The following ANKRD24 variants were observed in gnomAD, a reference collection of about 807,000 sequenced individuals.
ANKRD24 encodes ankyrin repeat domain 24, also known as ankyrin repeat domain-containing protein 24.
A neutral mutation model predicts 127.8 loss-of-function variants in ANKRD24; 109 were observed. The observed-to-expected ratio is 0.85, with a 90% CI of 0.73 to 1.00. The LOEUF is 1.00. ANKRD24 is among the 50% of genes least tolerant of loss of function. The pLI is 0.00. For missense variants in ANKRD24, 1,648 were observed against 1,570.2 expected (o/e 1.05, Z -0.84); for synonymous variants, 743 against 671.1 (o/e 1.11, Z -1.66).
chr19:4,212,156 C>T (rs1969776849), intron 13 of ANKRD24, among the ~76,000 whole-genome samples: 1 of 152,186 alleles, frequency 6.6e-6, no homozygotes, highest in Non-Finnish European at 1.5e-5. Context: ...GCCGAGATCA[C>T]ACCACTGCAC....
At chr19:4,219,534 G>A in intron 18 of ANKRD24, 57 bp from the exon 19 acceptor site, 1 of 1,536,226 alleles carries the variant, frequency 6.5e-7, no homozygotes, top group Admixed American at 2.0e-5. Flanking sequence ...GAATTCTGGG[G>A]TCTAGCATCA....
At chr19:4,216,089 TCCC>T in intron 16 of ANKRD24, 39 bp downstream of exon 16, 1 of 1,552,078 alleles carries the variant, frequency 6.4e-7, no homozygotes. Flanking sequence ...AGCCGCCTTG[TCCC>T]CTGGGGCCCT....
chr19:4,200,252 C>T, intron 5 of ANKRD24, 81 bp downstream of exon 5: 1 of 1,410,064 alleles, frequency 7.1e-7, no homozygotes, highest in Middle Eastern at 2.4e-4. Context: ...ACCCTGCTCC[C>T]AGGTCTCAAT....
intron 15 of ANKRD24, among the ~76,000 whole-genome samples, chr19:4,213,396 T>TCTTTCTTC (rs1319104177): frequency 5.6e-5 from 7 of 125,878 alleles, no homozygotes; most frequent in Non-Finnish European, 1.3e-4. Flanking sequence ...TTCCCTTCCT[T>TCTTTCTTC]CTTTCTTCCT....
intron 1 of ANKRD24, among the ~76,000 whole-genome samples, chr19:4,184,067 A>G (rs1025760119): frequency 6.6e-6 from 1 of 152,232 alleles, no homozygotes; most frequent in Non-Finnish European, 1.5e-5. Context: ...AAATCAGTCC[A>G]GTGATGATAG....
chr19:4,214,496 A>G (rs1455727598), intron 15 of ANKRD24, among the ~76,000 whole-genome samples: 1 of 152,144 alleles, frequency 6.6e-6, no homozygotes, highest in African/African-American at 2.4e-5. Context: ...ATAGAAAACC[A>G]TACACACAAA....
rs142674065 is a variant in ANKRD24 at position 4,217,922 on chromosome 19, G to A, written c.2762G>A (p.Arg921Gln). The A allele has an allele frequency of 0.026, 38,864 of 1,493,104 alleles. 674 individuals carry two copies. Among genetic ancestry groups the A allele is most frequent in the Middle Eastern group, 0.057 (245 of 4,302 alleles). 92.5% of individuals were successfully genotyped at this position (1,493,104 alleles called of 1,614,324 possible). A position where few individuals can be genotyped will look rare whatever the true frequency, so the allele number is the denominator to read the frequency against. ...GTGGTGCCGGCCTCTGAGCACCGCC[G>A]GCTGCAGGAGGAGGCCCTGGAGCTG... ...QSVVPASEHR[R>Q]LQEEALELRG... The change falls in exon 18 of 22, where the codon CGG becomes CAG. Residue 921 changes from arginine to glutamine, a missense_variant. Coordinates refer to ENST00000318934, the MANE Select transcript of ANKRD24 (RefSeq NM_001393985.1).
At chr19:4,215,910 G>C in intron 15 of ANKRD24, 68 bp from the exon 16 acceptor site, 1 of 1,265,926 alleles carries the variant, frequency 7.9e-7, no homozygotes, top group Non-Finnish European at 1.1e-6. Flanking sequence ...GTCCCCACTG[G>C]AGTCTTGGTG....
At chr19:4,200,206 A>C in intron 5 of ANKRD24, 35 bp downstream of exon 5, 1 of 1,559,672 alleles carries the variant, frequency 6.4e-7, no homozygotes, top group African/African-American at 1.4e-5. Context: ...GGGAGGAGGA[A>C]CTAAGCCCAG....
At chr19:4,207,455 G>C (rs765903350) in intron 8 of ANKRD24, 46 bp from the exon 9 acceptor site, 1 of 1,592,162 alleles carries the variant, frequency 6.3e-7, no homozygotes, top group Non-Finnish European at 8.6e-7. Flanking sequence ...TGCACCTCCC[G>C]GGGGTCAGTT....
Position 4,198,185 on chromosome 19 carries a change from C to A in ANKRD24, c.37-1498C>A. On this transcript the variant is annotated intron_variant, in intron 2 of 21. Coordinates refer to ENST00000318934, the MANE Select transcript of ANKRD24 (RefSeq NM_001393985.1). This position sits in a 1 kb window ranked among gnomAD's most constrained non-coding sequence, Gnocchi z 6.1. Reference sequence around the variant, plus strand: ...TGGTGAGGGAGCCGGGCCCCCGGCGCCGCGTCCTCCTCATCCTCCAGGCGA... The same window carrying A: ...TGGTGAGGGAGCCGGGCCCCCGGCGACGCGTCCTCCTCATCCTCCAGGCGA... 3.5e-6 allele frequency: 2 copies of A among 572,288 alleles called. No homozygotes were observed. Among genetic ancestry groups the A allele is most frequent in the Non-Finnish European group, 6.2e-6 (2 of 323,290 alleles). 35.5% of individuals were successfully genotyped at this position (572,288 alleles called of 1,614,324 possible).
chr19:4,224,375 G>T (rs752807259), intron 21 of ANKRD24, 53 bp from the exon 22 acceptor site: 3 of 1,577,552 alleles, frequency 1.9e-6, no homozygotes, highest in East Asian at 2.3e-5. Context: ...GGAGGGACTT[G>T]GGGCAGCCAT....
Position 4,217,989 on chromosome 19 carries a change from G to C in ANKRD24, c.2829G>C (p.Thr943=), listed in dbSNP as rs200209961. The change falls in exon 18 of 22, where the codon ACG becomes ACC. Residue 943 remains threonine (T), a synonymous_variant. Transcript: ENST00000318934. The part of the protein sequence containing the change: ...AASLEQEVVA[T]GKEAARLRAE... Reference sequence around the variant, plus strand: ...GTCTGGAGCAGGAGGTGGTGGCCACGGGCAAGGAGGCCGCCCGGCTGCGCG... The same window carrying C: ...GTCTGGAGCAGGAGGTGGTGGCCACCGGCAAGGAGGCCGCCCGGCTGCGCG... The C allele has an allele frequency of 2.6e-6, 4 of 1,527,072 alleles. No homozygotes were observed. The highest frequency in any genetic ancestry group is 2.6e-6 in the Non-Finnish European group (3 of 1,144,824). The allele number at this position is 1,527,072 out of a possible 1,614,324, so 94.6% of individuals were successfully genotyped here.
rs751583616 is a variant in ANKRD24, at chr19:4,200,103, G to A, written c.275G>A (p.Arg92Gln). Reference sequence around the variant, plus strand: ...TCCAGGTTCCACCTGGCGGCCATGCGGGGTGCGGCCAGCTGTCTGGAGGTG... The same window carrying A: ...TCCAGGTTCCACCTGGCGGCCATGCAGGGTGCGGCCAGCTGTCTGGAGGTG... ...GKSAFHLAAM[R>Q]GAASCLEVMI... The change falls in exon 5 of 22, where the codon CGG (arginine) becomes CAG (glutamine). Residue 92 changes from arginine (R) to glutamine (Q), a missense_variant. Coordinates refer to ENST00000318934, the MANE Select transcript of ANKRD24 (RefSeq NM_001393985.1). 1.6e-5 allele frequency: 25 copies of A among 1,601,028 alleles called. No individual in the cohort carries two copies. In the Admixed American group the frequency reaches 1.7e-4, roughly 11 times the overall value.
At position 4,218,119 on chromosome 19, in the gene ANKRD24, G is replaced by A. The variant is rs1216259076; in HGVS notation, c.2959G>A (p.Glu987Lys). ...GGCCCAGCTGGAGGGGCAGCTGGAG[G>A]AGCTGGGACGGCGGCATGAGAAGAC... ...NVAQLEGQLEELGRRHEKTSA... is the reference protein window; with the variant it reads ...NVAQLEGQLEKLGRRHEKTSA... Residue 987 changes from glutamate (E) to lysine (K), a missense_variant, in exon 18 of 22, where the codon GAG becomes AAG. Physicochemically the swap from Glu to Lys is moderately conservative, Grantham distance 56. Transcript: ENST00000318934. 4 of 1,541,066 alleles carry A rather than the reference G, an allele frequency of 2.6e-6. No homozygotes were observed. The highest frequency in any genetic ancestry group is 3.5e-6 in the Non-Finnish European group (4 of 1,145,452).
At chr19:4,191,644 G>A (rs1003494755) in intron 2 of ANKRD24, among the ~76,000 whole-genome samples, 2 of 151,158 alleles carry the variant, frequency 1.3e-5, no homozygotes, top group African/African-American at 4.9e-5. Flanking sequence ...ACCACACCTG[G>A]CTAATTTTTG....
Position 4,212,505 on chromosome 19 carries a change from G to C in ANKRD24, c.1090G>C (p.Glu364Gln). Residue 364 changes from glutamate to glutamine, a missense_variant, in exon 14 of 22, where the codon GAG becomes CAG. By Grantham distance (29) the Glu-to-Gln change is conservative (BLOSUM62 2). Coordinates refer to ENST00000318934, the MANE Select transcript of ANKRD24 (RefSeq NM_001393985.1). ...GGAGGCCAGCTCCCTGCACATCCTG[G>C]AGAGACAGGTAGGTGGGAAGGTGGG... ...SPEASSLHIL[E>Q]RQVQELQQLL... 1 of 1,565,546 alleles carries C rather than the reference G, an allele frequency of 6.4e-7. No homozygotes were observed. The highest frequency in any genetic ancestry group is 8.6e-7 in the Non-Finnish European group (1 of 1,156,738).
intron 15 of ANKRD24, among the ~76,000 whole-genome samples, chr19:4,215,713 T>G (rs1223786066): frequency 6.6e-6 from 1 of 150,976 alleles, no homozygotes; most frequent in Admixed American, 6.6e-5. Flanking sequence ...GGTTGGAGGC[T>G]GCAGTGAACT....
intron 19 of ANKRD24, among the ~76,000 whole-genome samples, chr19:4,221,608 G>A (rs374040942): frequency 6.6e-6 from 1 of 152,098 alleles, no homozygotes; most frequent in South Asian, 2.1e-4. Context: ...TCAAAGTCAC[G>A]CAACATGTCA....
Sources: allele counts gnomAD v4.1 joint callset (sites outside exome capture counted in the v4.1 genomes callset), GRCh38; gene constraint gnomAD v4.1.1; non-coding constraint Gnocchi (gnomAD v3.1); transcripts MANE v1.5; gene names NCBI Gene and HGNC (gene_info 2026-07-23, HGNC 2026-07-21).